SERINC5: variants seen among roughly 807,000 people sequenced by gnomAD.
The protein encoded by SERINC5 is chromosome 5 open reading frame 12.
Under a neutral mutation model 63.1 loss-of-function variants are expected in SERINC5, and 41 were observed. The observed-to-expected ratio is 0.65, with a 90% CI of 0.51 to 0.84. The LOEUF (loss-of-function observed/expected upper bound fraction) is 0.84, where lower values mean the gene tolerates loss of function less well. SERINC5 is among the 40% of genes least tolerant of loss of function. The pLI is 0.00. For missense variants in SERINC5, 523 were observed against 573.0 expected (o/e 0.91, Z 0.89); for synonymous variants, 222 against 215.2 (o/e 1.03, Z -0.28).
chr5:80,203,026 A>T lies in SERINC5; in HGVS notation c.55T>A (p.Cys19Ser). Residue 19 changes from cysteine (C) to serine (S), a missense_variant, in exon 2 of 12, where the codon TGC becomes AGC. By Grantham distance (112) the Cys-to-Ser change is moderately radical (BLOSUM62 -1). Coordinates refer to ENST00000507668, the MANE Select transcript of SERINC5 (RefSeq NM_001174072.3). ...QLACCCGSAG[C>S]SLCCDCCPRI... Reference sequence around the variant, plus strand: ...GGGCAGCAATCACAGCAGAGAGAGCAGCCTGCAGACCCACAGCAGCAGGCC... The same window carrying T: ...GGGCAGCAATCACAGCAGAGAGAGCTGCCTGCAGACCCACAGCAGCAGGCC... The T allele has an allele frequency of 6.2e-7, 1 of 1,611,944 alleles. No individual in the cohort carries two copies. The highest frequency in any genetic ancestry group is 1.1e-5 in the South Asian group (1 of 90,740).
At position 80,158,838 on chromosome 5, in the gene SERINC5, T is replaced by C. The variant is rs765929525; in HGVS notation, c.984A>G (p.Ser328=). The C allele has an allele frequency of 1.9e-5, 30 of 1,613,088 alleles. No homozygotes were observed. The highest frequency in any genetic ancestry group is 1.8e-5 in the Non-Finnish European group (21 of 1,179,730). Residue 328 remains serine (S), a splice_region_variant and synonymous_variant, in exon 8 of 12, where the codon TCA becomes TCG. Coordinates refer to ENST00000507668, the MANE Select transcript of SERINC5 (RefSeq NM_001174072.3). ...CTTGAGTAACTCCCAAGACTTACCA[T>C]GAATACAAGATACATCCGATTAAGA... The part of the protein sequence containing the change: ...TSLLIGCILY[S]CLTSTTRSSS...
intron 7 of SERINC5, among the ~76,000 whole-genome samples, chr5:80,159,658 A>G (rs1323848149): frequency 2.6e-5 from 4 of 152,144 alleles, no homozygotes; most frequent in Admixed American, 6.5e-5. Flanking sequence ...GGACTTTCAG[A>G]CCCACTCTCC....
intron 2 of SERINC5, among the ~76,000 whole-genome samples, chr5:80,200,652 A>G (rs1186447662): frequency 6.6e-6 from 1 of 152,250 alleles, no homozygotes; most frequent in Non-Finnish European, 1.5e-5. Context: ...ATTTCACTGT[A>G]GTATCCACCA....
At chr5:80,200,522 C>T (rs1389208775) in intron 2 of SERINC5, among the ~76,000 whole-genome samples, 2 of 151,594 alleles carry the variant, frequency 1.3e-5, no homozygotes, top group Non-Finnish European at 2.9e-5. Context: ...AAAAAGACTT[C>T]ATCACTTCTC....
chr5:80,118,169 C>A (rs1744406029), intron 11 of SERINC5, among the ~76,000 whole-genome samples: 1 of 151,976 alleles, frequency 6.6e-6, no homozygotes. Context: ...CACCATTGCA[C>A]TCCAGCCTGG....
chr5:80,163,482 G>C (rs1747074168), intron 7 of SERINC5, among the ~76,000 whole-genome samples: 1 of 151,040 alleles, frequency 6.6e-6, no homozygotes, highest in Non-Finnish European at 1.5e-5. Flanking sequence ...TATCATATAT[G>C]ACCTTTATTA....
Position 80,181,416 on chromosome 5 carries a change from T to TGTGTG in SERINC5, c.196-3353_196-3352insCACAC, listed in dbSNP as rs1580124918. On this transcript the variant is annotated intron_variant, in intron 2 of 11. Transcript: ENST00000507668. Reference sequence around the variant, plus strand: ...CATGCACCACCAAGCTCAGCTAATTTTGTGTGTGTGTGTGTGTGTGTGTGT... The same window carrying TGTGTG: ...CATGCACCACCAAGCTCAGCTAATTTGTGTGTGTGTGTGTGTGTGTGTGTGTGTGT... Among the ~76,000 whole-genome samples, 30 of 145,438 alleles carry TGTGTG rather than the reference T, an allele frequency of 2.1e-4. 1 individual carries two copies. Among genetic ancestry groups the TGTGTG allele is most frequent in the East Asian group, 9.3e-4 (4 of 4,300 alleles).
At chr5:80,249,758 C>T (rs1311270379) in intron 1 of SERINC5, among the ~76,000 whole-genome samples, 13 of 152,120 alleles carry the variant, frequency 8.5e-5, no homozygotes, top group African/African-American at 2.6e-4. Flanking sequence ...GCCAAGATCA[C>T]GCCATTGCAC....
chr5:80,245,140 AT>A (rs1033511066), intron 1 of SERINC5, among the ~76,000 whole-genome samples: 2 of 152,262 alleles, frequency 1.3e-5, no homozygotes, highest in East Asian at 3.9e-4. Context: ...TGAATTGGAG[AT>A]GTTTCTCAAG....
intron 11 of SERINC5, among the ~76,000 whole-genome samples, chr5:80,130,041 T>G (rs1256314242): frequency 6.6e-6 from 1 of 152,176 alleles, no homozygotes; most frequent in African/African-American, 2.4e-5. Flanking sequence ...GATAGTTTCA[T>G]GTTTTTTTGA....
intron 11 of SERINC5, among the ~76,000 whole-genome samples, chr5:80,122,217 T>C (rs1411687388): frequency 1.5e-5 from 1 of 68,300 alleles, no homozygotes; most frequent in African/African-American, 7.1e-5. Context: ...ATATATAATA[T>C]GAGTTTATTA....
At chr5:80,244,259 A>C (rs572018029) in intron 1 of SERINC5, among the ~76,000 whole-genome samples, 1 of 150,140 alleles carries the variant, frequency 6.7e-6, no homozygotes, top group African/African-American at 2.5e-5. Context: ...TCTGTCACCC[A>C]GGCTGGAGTG....
chr5:80,242,142 A>G (rs920378115), intron 1 of SERINC5, among the ~76,000 whole-genome samples: 7 of 151,962 alleles, frequency 4.6e-5, no homozygotes, highest in Non-Finnish European at 1.0e-4. Flanking sequence ...AAACACAACA[A>G]AACAAAAAAA....
rs565255524 is a variant in SERINC5, at chr5:80,139,326, G to C, written c.*4337C>G. 1.0e-6 allele frequency: 1 copy of C among 983,236 alleles called. No homozygotes were observed. The highest frequency in any genetic ancestry group is 6.1e-5 in the Admixed American group (1 of 16,274). The allele number at this position is 983,236 out of a possible 1,614,324, so 60.9% of individuals were successfully genotyped here. On this transcript the variant is annotated 3_prime_UTR_variant, in exon 12 of 12. Coordinates refer to ENST00000507668, the MANE Select transcript of SERINC5 (RefSeq NM_001174072.3). ...CTCTCCAGACATATATTACAAATCT[G>C]CTGTAAGCTTTCTTTACCTGAGAGA... is the stretch of plus-strand genomic sequence containing the variant.
chr5:80,114,901 A>G (rs1744274283), intron 11 of SERINC5, among the ~76,000 whole-genome samples: 1 of 152,052 alleles, frequency 6.6e-6, no homozygotes, highest in African/African-American at 2.4e-5. Flanking sequence ...AGTAAGGTGG[A>G]AGCAAACATT....
chr5:80,166,329 C>T (rs1050886705), intron 7 of SERINC5, 54 bp downstream of exon 7: 2 of 1,169,586 alleles, frequency 1.7e-6, no homozygotes, highest in Admixed American at 2.0e-5. Context: ...CTCATTCCTC[C>T]ATGAATGAAA....
At chr5:80,251,157 T>C (rs1267548139) in intron 1 of SERINC5, among the ~76,000 whole-genome samples, 1 of 152,152 alleles carries the variant, frequency 6.6e-6, no homozygotes, top group African/African-American at 2.4e-5. Flanking sequence ...AACGCACCTG[T>C]AGTCCCAGCT....
intron 1 of SERINC5, among the ~76,000 whole-genome samples, chr5:80,209,197 G>A (rs767053501): frequency 1.2e-4 from 19 of 152,184 alleles, no homozygotes; most frequent in Admixed American, 3.3e-4. Context: ...CTTGAACCCG[G>A]GGGGCAGAGG....
At chr5:80,124,868 T>G (rs1170755092) in intron 11 of SERINC5, among the ~76,000 whole-genome samples, 1 of 151,376 alleles carries the variant, frequency 6.6e-6, no homozygotes, top group Non-Finnish European at 1.5e-5. Context: ...GGGTGGGGAG[T>G]AGTTGCAGGT....
Sources: gnomAD v4.1 joint callset for allele counts (sites outside exome capture counted in the v4.1 genomes callset) on GRCh38, gnomAD v4.1.1 for gene constraint, MANE v1.5 for transcripts, NCBI Gene and HGNC (gene_info 2026-07-23, HGNC 2026-07-21) for gene names.